The following LRRC37A2 variants were observed in gnomAD, a reference collection of about 807,000 sequenced individuals.
LRRC37A2 encodes leucine rich repeat containing 37 member A2, also known as leucine-rich repeat-containing protein 37A2.
In LRRC37A2, 9 loss-of-function variants were observed where a neutral mutation model predicts 68.8. That is an observed-to-expected ratio of 0.13 (90% CI 0.08 to 0.23). The LOEUF is 0.23. LRRC37A2 is among the 10% of genes least tolerant of loss of function. The probability of loss-of-function intolerance (pLI) is 1.00; values close to 1 mark genes in which losing one functional copy is unlikely to be tolerated. For synonymous variants in LRRC37A2, 63 were observed against 367.6 expected (o/e 0.17, Z 9.48); for missense variants, 168 against 950.4 (o/e 0.18, Z 10.82).
At chr17:46,848,675 T>C in the LRRC37A2 span, among the ~76,000 whole-genome samples, 1 of 152,262 alleles carries the variant, frequency 6.6e-6, no homozygotes, top group Admixed American at 6.5e-5. Flanking sequence ...CAAAGGTGTC[T>C]GTGAGTCAGG....
the LRRC37A2 span, chr17:46,935,239 G>A: frequency 6.2e-7 from 1 of 1,608,250 alleles, no homozygotes; most frequent in Non-Finnish European, 8.5e-7. Context: ...TAGTAACTGT[G>A]TTTATATTTT....
chr17:46,925,140 G>A, the LRRC37A2 span, among the ~76,000 whole-genome samples: 1,071 of 152,138 alleles, frequency 7.0e-3, 12 homozygotes, highest in African/African-American at 0.024. Flanking sequence ...TTCTATTAAG[G>A]GCCAGATAGT....
the LRRC37A2 span, among the ~76,000 whole-genome samples, chr17:46,403,632 A>G: frequency 1.1e-4 from 9 of 84,522 alleles, 1 homozygote; most frequent in African/African-American, 3.1e-4. Context: ...AATTGCAGCA[A>G]TAGTTTACCT....
At chr17:46,788,565 A>G in the LRRC37A2 span, among the ~76,000 whole-genome samples, 1 of 152,126 alleles carries the variant, frequency 6.6e-6, no homozygotes, top group African/African-American at 2.4e-5. Flanking sequence ...CTCCAATTCA[A>G]ATTGTTCCCT....
the LRRC37A2 span, chr17:46,939,037 A>ATGGCTTTGG: frequency 7.4e-6 from 9 of 1,223,112 alleles, no homozygotes; most frequent in African/African-American, 1.3e-4. Context: ...GAGGGAAAGA[A>ATGGCTTTGG]TGGCTTTGGT....
the LRRC37A2 span, chr17:46,751,672 A>G: frequency 9.6e-7 from 1 of 1,042,256 alleles, no homozygotes; most frequent in Non-Finnish European, 1.4e-6. Context: ...AGGACACACC[A>G]AGAGGGTTCA....
At chr17:46,539,522 G>T (rs1246463278) in intron 6 of LRRC37A2, among the ~76,000 whole-genome samples, 1 of 150,830 alleles carries the variant, frequency 6.6e-6, no homozygotes, top group Admixed American at 6.6e-5. Context: ...TATCAGTTTG[G>T]GAGGCTGAGG....
intron 6 of LRRC37A2, among the ~76,000 whole-genome samples, chr17:46,531,996 T>C (rs1181681688): frequency 3.4e-5 from 5 of 148,652 alleles, no homozygotes; most frequent in Non-Finnish European, 5.9e-5. Context: ...GTGTGAGATG[T>C]AGGGGGTCCA....
At chr17:46,858,465 T>TTTTCATTTTA in the LRRC37A2 span, among the ~76,000 whole-genome samples, 1 of 151,178 alleles carries the variant, frequency 6.6e-6, no homozygotes, top group Non-Finnish European at 1.5e-5. Context: ...CGTTTTCTCC[T>TTTTCATTTTA]TTTTATTTTA....
the LRRC37A2 span, among the ~76,000 whole-genome samples, chr17:46,784,190 T>C: frequency 6.6e-6 from 1 of 151,854 alleles, no homozygotes; most frequent in Non-Finnish European, 1.5e-5. Flanking sequence ...TTTGGTCCCA[T>C]GAGAAACAGG....
chr17:46,809,271 G>A, the LRRC37A2 span, among the ~76,000 whole-genome samples: 2 of 152,134 alleles, frequency 1.3e-5, no homozygotes, highest in Non-Finnish European at 2.9e-5. Context: ...TGATTGGTGG[G>A]AGCTGGAGAG....
the LRRC37A2 span, among the ~76,000 whole-genome samples, chr17:46,849,452 G>A: frequency 6.6e-6 from 1 of 152,098 alleles, no homozygotes; most frequent in Non-Finnish European, 1.5e-5. Context: ...TGCCTAGGGG[G>A]TGTGGCTGGG....
chr17:46,962,194 T>C, the LRRC37A2 span, among the ~76,000 whole-genome samples: 2 of 152,074 alleles, frequency 1.3e-5, no homozygotes, highest in African/African-American at 4.8e-5. Context: ...CCGGGCGTGA[T>C]GGCATGCGCC....
the LRRC37A2 span, chr17:46,755,411 C>CT: frequency 3.4e-6 from 5 of 1,482,214 alleles, no homozygotes; most frequent in Non-Finnish European, 4.7e-6. Context: ...CCAAACTTAC[C>CT]ACCCTGTTAA....
chr17:47,037,262 C>A, the LRRC37A2 span, among the ~76,000 whole-genome samples: 1 of 152,072 alleles, frequency 6.6e-6, no homozygotes, highest in East Asian at 1.9e-4. Context: ...TGCACTCAAG[C>A]CTGGGCAACA....
the LRRC37A2 span, chr17:46,851,684 G>A: frequency 7.6e-7 from 1 of 1,309,390 alleles, no homozygotes; most frequent in Non-Finnish European, 9.7e-7. The surrounding 1 kb of genome is among the most constrained non-coding windows in gnomAD (Gnocchi z 4.3). Context: ...CTGCCTGCTG[G>A]CGCTGCCCGC....
chr17:46,936,583 A>G, the LRRC37A2 span: 12 of 985,512 alleles, frequency 1.2e-5, no homozygotes, highest in Admixed American at 6.1e-5. Flanking sequence ...AGGAGAGGGC[A>G]TGAAGGGGCT....
the LRRC37A2 span, among the ~76,000 whole-genome samples, chr17:46,492,893 A>C: frequency 1.3e-5 from 2 of 149,426 alleles, no homozygotes; most frequent in East Asian, 3.9e-4. Flanking sequence ...ACGGGGTTTC[A>C]CCATGTTAGC....
At chr17:47,017,174 G>C in the LRRC37A2 span, 7 of 1,607,354 alleles carry the variant, frequency 4.4e-6, no homozygotes, top group Non-Finnish European at 5.9e-6. Flanking sequence ...AGGGGCACGA[G>C]TGTCTCGGAG....
Sources: allele counts gnomAD v4.1 joint callset (sites outside exome capture counted in the v4.1 genomes callset), GRCh38; gene constraint gnomAD v4.1.1; non-coding constraint Gnocchi (gnomAD v3.1); transcripts MANE v1.5; gene names NCBI Gene and HGNC (gene_info 2026-07-23, HGNC 2026-07-21).